CNOT10: variants seen among roughly 807,000 people sequenced by gnomAD.
CNOT10 encodes CCR4-NOT transcription complex, subunit 10.
Under a neutral mutation model 94.6 loss-of-function variants are expected in CNOT10, and 30 were observed. The ratio of observed to expected loss-of-function variants is 0.32; its 90% CI spans 0.24 to 0.43. The LOEUF is 0.43. Ranked by LOEUF, CNOT10 falls within the 20% of genes least tolerant of loss-of-function variation. CNOT10 has a pLI of 1.00. For synonymous variants in CNOT10, 289 were observed against 301.6 expected (o/e 0.96, Z 0.43); for missense variants, 759 against 877.2 (o/e 0.87, Z 1.70).
intron 8 of CNOT10, among the ~76,000 whole-genome samples, chr3:32,724,243 CT>C (rs376534412): frequency 8.4e-4 from 106 of 126,786 alleles, no homozygotes; most frequent in African/African-American, 1.7e-3. Context: ...TGTTCTGTTC[CT>C]TTTTTTTTTT....
intron 1 of CNOT10, among the ~76,000 whole-genome samples, chr3:32,695,086 A>G (rs1334111676): frequency 6.6e-6 from 1 of 152,168 alleles, no homozygotes; most frequent in Non-Finnish European, 1.5e-5. Flanking sequence ...CAGGATGCTC[A>G]ATTCTGTAAC....
intron 9 of CNOT10, 125 bp from the exon 10 acceptor site, chr3:32,727,543 A>T: frequency 1.5e-6 from 1 of 669,676 alleles, no homozygotes; most frequent in Non-Finnish European, 2.6e-6. Context: ...GAGAGCTATT[A>T]AAACTCAGAT....
intron 1 of CNOT10, among the ~76,000 whole-genome samples, chr3:32,696,535 G>A (rs971482190): frequency 6.6e-6 from 1 of 152,186 alleles, no homozygotes; most frequent in African/African-American, 2.4e-5. Flanking sequence ...TCTGTGAAAT[G>A]TGTGTAGAAA....
chr3:32,740,077 A>G (rs1699391703), intron 13 of CNOT10, among the ~76,000 whole-genome samples: 1 of 152,230 alleles, frequency 6.6e-6, no homozygotes, highest in Non-Finnish European at 1.5e-5. Flanking sequence ...AGCAAGGATG[A>G]CAGATCGAGG....
Position 32,764,717 on chromosome 3 carries a change from G to T in CNOT10, c.1912G>T (p.Val638Phe), listed in dbSNP as rs1053584597. Residue 638 changes from valine (V) to phenylalanine (F), a missense_variant, in exon 17 of 19, where the codon GTC becomes TTC. Coordinates refer to ENST00000328834, the MANE Select transcript of CNOT10 (RefSeq NM_015442.3). ...GGCCCCTCAGTGCTACCCCAGTTCC[G>T]TCAACTCTGCCAGGACTGTGATGCT... is the stretch of plus-strand genomic sequence containing the variant. Reference protein sequence around the residue: ...KRAPQCYPSSVNSARTVMLFN... With the variant: ...KRAPQCYPSSFNSARTVMLFN... 6.2e-7 allele frequency: 1 copy of T among 1,613,918 alleles called. No individual in the cohort carries two copies. Among genetic ancestry groups the T allele is most frequent in the Non-Finnish European group, 8.5e-7 (1 of 1,180,022 alleles).
At chr3:32,704,744 G>T in intron 2 of CNOT10, 67 bp from the exon 3 acceptor site, 2 of 1,447,412 alleles carry the variant, frequency 1.4e-6, no homozygotes, top group Non-Finnish European at 1.8e-6. Context: ...AATATATTTG[G>T]AATGATATAC....
At chr3:32,708,555 G>GA (rs1697728301) in intron 3 of CNOT10, 115 bp from the exon 4 acceptor site, 1 of 843,370 alleles carries the variant, frequency 1.2e-6, no homozygotes, top group African/African-American at 1.7e-5. Flanking sequence ...TGAAAGTATG[G>GA]AAAAATTCAG....
intron 4 of CNOT10, among the ~76,000 whole-genome samples, chr3:32,710,832 C>T (rs1407070829): frequency 6.6e-6 from 1 of 152,126 alleles, no homozygotes; most frequent in African/African-American, 2.4e-5. Flanking sequence ...GCGATCCTCC[C>T]ACCCCAGCCT....
At chr3:32,710,886 A>G (rs1697855548) in intron 4 of CNOT10, among the ~76,000 whole-genome samples, 1 of 152,038 alleles carries the variant, frequency 6.6e-6, no homozygotes, top group Non-Finnish European at 1.5e-5. Flanking sequence ...ACACCCAGCT[A>G]ATTTTTGTAT....
chr3:32,772,328 G>A (rs1052913659), intron 18 of CNOT10, among the ~76,000 whole-genome samples: 3 of 151,562 alleles, frequency 2.0e-5, no homozygotes, highest in Non-Finnish European at 4.4e-5. Flanking sequence ...CAGTCTGAAC[G>A]ACAGAGCGAG....
rs1699117083 is a variant in CNOT10 at position 32,734,952 on chromosome 3, G to A, written c.1490G>A (p.Ser497Asn). Residue 497 changes from serine to asparagine, a missense_variant, in exon 12 of 19, where the codon AGC (serine) becomes AAC (asparagine). Transcript: ENST00000328834. ...AATCAATTAGGTGGGAACACAGAGA[G>A]CAGCGAAAGCAGTGAAACTTGCAGG... ...NSNQLGGNTE[S>N]SESSETCSSK... 5.0e-6 allele frequency: 8 copies of A among 1,613,696 alleles called. No homozygotes were observed. Among genetic ancestry groups the A allele is most frequent in the Non-Finnish European group, 6.8e-6 (8 of 1,179,698 alleles).
chr3:32,747,669 G>T (rs1367395970), intron 13 of CNOT10, among the ~76,000 whole-genome samples: 1 of 151,888 alleles, frequency 6.6e-6, no homozygotes, highest in East Asian at 1.9e-4. Flanking sequence ...ACAGGCATGG[G>T]CTGGGCTCGG....
chr3:32,773,406 T>G, intron 18 of CNOT10, 51 bp from the exon 19 acceptor site: 1 of 1,542,104 alleles, frequency 6.5e-7, no homozygotes, highest in Non-Finnish European at 8.8e-7. Context: ...TTGCTTTGTG[T>G]GTGGCAGTAT....
At chr3:32,762,929 A>C in intron 15 of CNOT10, 66 bp downstream of exon 15, 3 of 1,433,692 alleles carry the variant, frequency 2.1e-6, no homozygotes, top group Non-Finnish European at 2.7e-6. Context: ...ATAATTCAGG[A>C]TGTGTGGAAA....
At chr3:32,708,599 A>T (rs577029772) in intron 3 of CNOT10, 71 bp from the exon 4 acceptor site, 2 of 1,315,034 alleles carry the variant, frequency 1.5e-6, no homozygotes, top group Admixed American at 4.7e-5. Flanking sequence ...CTTTTTATTC[A>T]TATGAATTCT....
At chr3:32,706,248 A>G (rs111274960) in intron 3 of CNOT10, among the ~76,000 whole-genome samples, 3,352 of 152,316 alleles carry the variant, frequency 0.022, 49 homozygotes, top group East Asian at 0.047. Flanking sequence ...CTGATAATCT[A>G]GTACATGCAC....
At chr3:32,773,110 G>C (rs1266620216) in intron 18 of CNOT10, among the ~76,000 whole-genome samples, 1 of 152,098 alleles carries the variant, frequency 6.6e-6, no homozygotes, top group Non-Finnish European at 1.5e-5. Context: ...CAGGCGATCT[G>C]CCCACCTTGG....
At chr3:32,765,128 G>A (rs1303698349) in intron 17 of CNOT10, 6 of 515,012 alleles carry the variant, frequency 1.2e-5, no homozygotes, top group Non-Finnish European at 1.9e-5. Flanking sequence ...AGACCAGCCT[G>A]GCCAATATGG....
chr3:32,724,927 G>C (rs1409445399), intron 8 of CNOT10, among the ~76,000 whole-genome samples: 2 of 152,180 alleles, frequency 1.3e-5, no homozygotes, highest in African/African-American at 4.8e-5. Flanking sequence ...ATGCATACTT[G>C]CTTCCTTGTT....
Sources: allele counts gnomAD v4.1 joint callset (sites outside exome capture counted in the v4.1 genomes callset), GRCh38; gene constraint gnomAD v4.1.1; transcripts MANE v1.5; gene names NCBI Gene and HGNC (gene_info 2026-07-23, HGNC 2026-07-21).